RYR2: variants seen among roughly 807,000 people sequenced by gnomAD.
RYR2 encodes the protein ryanodine receptor 2.
In RYR2, 227 loss-of-function variants were observed where a neutral mutation model predicts 601.1. The observed-to-expected ratio is 0.38, with a 90% CI of 0.34 to 0.42. The LOEUF is 0.42. RYR2 is among the 10% of genes least tolerant of loss of function. RYR2 has a pLI of 1.00. For missense variants in RYR2, 4,646 were observed against 6,156.5 expected (o/e 0.75, Z 8.21); for synonymous variants, 2,223 against 2,175.1 (o/e 1.02, Z -0.61).
At chr1:237,315,957 G>A (rs989825899) in intron 2 of RYR2, among the ~76,000 whole-genome samples, 1 of 152,044 alleles carries the variant, frequency 6.6e-6, no homozygotes, top group Non-Finnish European at 1.5e-5. Context: ...TCTCTGACAG[G>A]TCTAACGTGA....
chr1:237,414,551 T>C (rs1704768717), intron 10 of RYR2, among the ~76,000 whole-genome samples: 1 of 152,216 alleles, frequency 6.6e-6, no homozygotes, highest in South Asian at 2.1e-4. Flanking sequence ...TTATTTTTAA[T>C]TGGCACATAA....
At chr1:237,673,677 G>A (rs1047229173) in intron 58 of RYR2, among the ~76,000 whole-genome samples, 15 of 152,130 alleles carry the variant, frequency 9.9e-5, no homozygotes, top group African/African-American at 2.9e-4. Context: ...TCTTCTCTCT[G>A]TGCGACAGCA....
chr1:237,138,745 A>G (rs1017587505), intron 1 of RYR2, among the ~76,000 whole-genome samples: 1 of 152,216 alleles, frequency 6.6e-6, no homozygotes, highest in Non-Finnish European at 1.5e-5. Context: ...AAGTAATTCT[A>G]CTTTAAAAGT....
At chr1:237,072,947 C>CAAAAAAAAA (rs34070186) in intron 1 of RYR2, among the ~76,000 whole-genome samples, 1 of 104,204 alleles carries the variant, frequency 9.6e-6, no homozygotes. Flanking sequence ...GACTCCATCT[C>CAAAAAAAAA]AAAAAAAAAA....
Position 237,506,699 on chromosome 1 carries a change from G to C in RYR2, c.2614-11G>C, listed in dbSNP as rs778125348. ...TTTCTGATGTGTCTTTTTTCTTTTT[G>C]TAAATTTTAGATCGTGTTGCCTCCT... On this transcript the variant is annotated splice_polypyrimidine_tract_variant and intron_variant, in intron 22 of 104. Transcript: ENST00000366574. 2.5e-6 allele frequency: 4 copies of C among 1,594,224 alleles called. No individual in the cohort carries two copies. In the African/African-American group the frequency reaches 5.4e-5, roughly 22 times the overall value.
chr1:237,190,176 A>G (rs1679817190), intron 1 of RYR2, among the ~76,000 whole-genome samples: 1 of 152,158 alleles, frequency 6.6e-6, no homozygotes, highest in South Asian at 2.1e-4. Flanking sequence ...GGCTTGAGCC[A>G]CCGTGCCCAG....
At chr1:237,372,901 G>A (rs1003380421) in intron 6 of RYR2, among the ~76,000 whole-genome samples, 4 of 152,204 alleles carry the variant, frequency 2.6e-5, no homozygotes, top group Non-Finnish European at 1.5e-5. Flanking sequence ...ATATAGTAGT[G>A]AATAAGACCA....
Position 237,742,294 on chromosome 1 carries a change from A to G in RYR2, c.11092-2A>G. On this transcript the variant is annotated splice_acceptor_variant, in intron 79 of 104. Transcript: ENST00000366574. LOFTEE classifies it high-confidence loss of function. The stretch of plus-strand genomic sequence containing the variant: ...CCTTTTTTTTTTTTTTTAAATATAC[A>G]GAGTTGTCATGATGAGGAAGATGAC... 1.3e-6 allele frequency: 2 copies of G among 1,527,844 alleles called. No homozygotes were observed. The highest frequency in any genetic ancestry group is 1.8e-6 in the Non-Finnish European group (2 of 1,131,512). The allele number at this position is 1,527,844 out of a possible 1,614,324, so 94.6% of individuals were successfully genotyped here. A position where few individuals can be genotyped will look rare whatever the true frequency, so the allele number is the denominator to read the frequency against.
At chr1:237,551,804 T>G (rs1159210459) in intron 27 of RYR2, among the ~76,000 whole-genome samples, 1 of 152,200 alleles carries the variant, frequency 6.6e-6, no homozygotes, top group Non-Finnish European at 1.5e-5. Flanking sequence ...GTGTAAGTGT[T>G]TCTAAGACTT....
intron 17 of RYR2, among the ~76,000 whole-genome samples, chr1:237,479,255 T>C (rs1379245571): frequency 1.3e-5 from 2 of 152,218 alleles, no homozygotes; most frequent in African/African-American, 4.8e-5. Context: ...CACATACTGA[T>C]ATATCTCACA....
At chr1:237,743,762 A>T (rs866565210) in intron 80 of RYR2, 1 of 402,008 alleles carries the variant, frequency 2.5e-6, no homozygotes, top group African/African-American at 2.0e-5. Context: ...TGTAGCTCCA[A>T]TGCATTTGGT....
chr1:237,127,130 G>A (rs1356297639), intron 1 of RYR2, among the ~76,000 whole-genome samples: 2 of 151,840 alleles, frequency 1.3e-5, no homozygotes, highest in African/African-American at 4.8e-5. Context: ...GGATCCCAAG[G>A]CAGAAGAATT....
At chr1:237,335,172 C>A (rs16835148) in intron 3 of RYR2, among the ~76,000 whole-genome samples, 2 of 152,126 alleles carry the variant, frequency 1.3e-5, no homozygotes, top group Admixed American at 1.3e-4. Flanking sequence ...GATGCCGCAG[C>A]AGTGTTAGAA....
chr1:237,569,360 A>T, intron 29 of RYR2, 41 bp downstream of exon 29: 1 of 1,584,808 alleles, frequency 6.3e-7, no homozygotes, highest in Non-Finnish European at 8.6e-7. Context: ...AGTTTGCAGC[A>T]CAAGGAAGCT....
chr1:237,341,831 A>G (rs1039195118), intron 3 of RYR2, among the ~76,000 whole-genome samples: 3 of 152,138 alleles, frequency 2.0e-5, no homozygotes, highest in Admixed American at 6.5e-5. Context: ...GGAGAAAAGG[A>G]ATGTTTTTGA....
chr1:237,326,944 A>G (rs1167926448), intron 2 of RYR2, among the ~76,000 whole-genome samples: 1 of 152,220 alleles, frequency 6.6e-6, no homozygotes, highest in African/African-American at 2.4e-5. Flanking sequence ...CAAAGGCCTG[A>G]CATGCTACCA....
At chr1:237,647,543 A>G (rs1379203030) in intron 48 of RYR2, among the ~76,000 whole-genome samples, 1 of 152,218 alleles carries the variant, frequency 6.6e-6, no homozygotes, top group Non-Finnish European at 1.5e-5. Context: ...TTCACATATA[A>G]AATTTTTTCA....
At chr1:237,667,988 A>G in intron 58 of RYR2, 30 bp downstream of exon 58, 1 of 1,516,514 alleles carries the variant, frequency 6.6e-7, no homozygotes, top group Non-Finnish European at 8.9e-7. Flanking sequence ...TTTATTAAAA[A>G]ATAATCTGAG....
At chr1:237,342,406 A>G (rs557383860) in intron 3 of RYR2, among the ~76,000 whole-genome samples, 191 of 150,624 alleles carry the variant, frequency 1.3e-3, no homozygotes, top group Non-Finnish European at 2.4e-3. Flanking sequence ...CTCCCACCTT[A>G]ACCTCCCAAA....
Sources: allele counts gnomAD v4.1 joint callset (sites outside exome capture counted in the v4.1 genomes callset), GRCh38; gene constraint gnomAD v4.1.1; transcripts MANE v1.5; gene names NCBI Gene and HGNC (gene_info 2026-07-23, HGNC 2026-07-21).